The following KCNK2 variants were observed in gnomAD, a reference collection of about 807,000 sequenced individuals.
KCNK2 encodes potassium channel subfamily K member 2.
Under a neutral mutation model 40.5 loss-of-function variants are expected in KCNK2, and 21 were observed. The observed-to-expected ratio is 0.52, with a 90% confidence interval of 0.37 to 0.75. The LOEUF is 0.75. KCNK2 is among the 30% of genes least tolerant of loss of function. KCNK2 has a pLI of 0.00. For synonymous variants in KCNK2, 191 were observed against 202.2 expected, an observed-to-expected ratio of 0.94 and a Z score of 0.47; for missense variants, 399 against 531.6, an observed-to-expected ratio of 0.75 and a Z score of 2.45.
intron 1 of KCNK2, among the ~76,000 whole-genome samples, chr1:215,072,338 G>A (rs1658786654): frequency 6.6e-6 from 1 of 152,238 alleles, no homozygotes; most frequent in South Asian, 2.1e-4. Flanking sequence ...AGGTGAATGA[G>A]AAGCAAGTTA....
At position 215,235,227 on chromosome 1, in the gene KCNK2, T is replaced by A; in HGVS notation, c.*82T>A. The A allele has an allele frequency of 8.3e-7, 1 of 1,204,922 alleles. No homozygotes were observed. The highest frequency in any genetic ancestry group is 1.2e-6 in the Non-Finnish European group (1 of 858,032). The allele number at this position is 1,204,922 out of a possible 1,614,324, so 74.6% of individuals were successfully genotyped here. On this transcript the variant is annotated 3_prime_UTR_variant, in exon 7 of 7. Coordinates refer to ENST00000444842, the MANE Select transcript of KCNK2 (RefSeq NM_001017425.3). The stretch of plus-strand genomic sequence containing the variant: ...TATGACTGTTGCTGGTAGCATTTTT[T>A]AAATTGTGCATGAGCTCAAAGGGGG...
chr1:215,023,438 A>G (rs1191471243), intron 1 of KCNK2, among the ~76,000 whole-genome samples: 5 of 152,190 alleles, frequency 3.3e-5, no homozygotes, highest in African/African-American at 1.2e-4. Context: ...AGCCATAAGT[A>G]TGTCACTTCA....
chr1:215,170,807 G>A (rs944633166), intron 4 of KCNK2, among the ~76,000 whole-genome samples: 2 of 151,902 alleles, frequency 1.3e-5, no homozygotes, highest in Admixed American at 6.6e-5. Flanking sequence ...TGAATTCTTC[G>A]TTCATTCATT....
At chr1:215,051,058 C>T (rs1049432394) in intron 1 of KCNK2, among the ~76,000 whole-genome samples, 1 of 152,122 alleles carries the variant, frequency 6.6e-6, no homozygotes, top group African/African-American at 2.4e-5. Context: ...GCCTTAATAA[C>T]CTTTTGAAAG....
intron 1 of KCNK2, among the ~76,000 whole-genome samples, chr1:215,057,262 A>G (rs1255986496): frequency 6.6e-6 from 1 of 150,960 alleles, no homozygotes; most frequent in Admixed American, 6.6e-5. Flanking sequence ...GAGTTATAGG[A>G]TAATCATATT....
At chr1:215,066,954 A>G (rs1055012021) in intron 1 of KCNK2, among the ~76,000 whole-genome samples, 1 of 152,230 alleles carries the variant, frequency 6.6e-6, no homozygotes, top group African/African-American at 2.4e-5. Flanking sequence ...AAAACACTTT[A>G]TATTTTTATG....
chr1:215,144,004 C>T (rs550580647), intron 3 of KCNK2, among the ~76,000 whole-genome samples: 1 of 152,152 alleles, frequency 6.6e-6, no homozygotes, highest in South Asian at 2.1e-4. Flanking sequence ...ATGTGTCTCC[C>T]AACACTTTGT....
upstream of KCNK2, among the ~76,000 whole-genome samples, chr1:215,077,759 T>C (rs1658998591): frequency 1.3e-5 from 2 of 152,088 alleles, no homozygotes; most frequent in African/African-American, 2.4e-5. Context: ...GGGGAAGCCC[T>C]TTCTTTCCAT....
Position 215,203,840 on chromosome 1 carries a change from C to T in KCNK2, c.963+8748C>T, listed in dbSNP as rs375336591. Among the ~76,000 whole-genome samples, 94 of 151,712 alleles carry T rather than the reference C, an allele frequency of 6.2e-4. 1 individual carries two copies. Among genetic ancestry groups the T allele is most frequent in the African/African-American group, 2.0e-3 (83 of 41,430 alleles). ...GATCACAAGGTCAGGAGATCGAGACCATCCTGGCAAACACCATGAAACCCC... is the reference window on the plus strand; with the variant it reads ...GATCACAAGGTCAGGAGATCGAGACTATCCTGGCAAACACCATGAAACCCC... On this transcript the variant is annotated intron_variant, in intron 6 of 6. Coordinates refer to ENST00000444842, the MANE Select transcript of KCNK2 (RefSeq NM_001017425.3).
intron 1 of KCNK2, among the ~76,000 whole-genome samples, chr1:215,014,162 A>T (rs1346520813): frequency 6.6e-6 from 1 of 152,104 alleles, no homozygotes; most frequent in Non-Finnish European, 1.5e-5. Flanking sequence ...CTCATTTAAT[A>T]TGATCATGTG....
At chr1:215,093,035 G>A (rs545396392) in intron 2 of KCNK2, among the ~76,000 whole-genome samples, 11 of 152,064 alleles carry the variant, frequency 7.2e-5, no homozygotes, top group Non-Finnish European at 1.2e-4. Context: ...TGGAGTTTGC[G>A]GGAGGGGCCA....
intron 5 of KCNK2, among the ~76,000 whole-genome samples, chr1:215,184,943 C>T (rs1174147083): frequency 6.6e-6 from 1 of 151,936 alleles, no homozygotes; most frequent in Non-Finnish European, 1.5e-5. Context: ...TATTTGTGAC[C>T]ATTGTATAAA....
At chr1:215,213,535 C>T (rs193020127) in intron 6 of KCNK2, among the ~76,000 whole-genome samples, 210 of 152,206 alleles carry the variant, frequency 1.4e-3, no homozygotes, top group African/African-American at 4.5e-3. Flanking sequence ...CGCTTGAACC[C>T]GGGAGGCAGA....
At chr1:215,080,305 C>T (rs948399980), upstream of KCNK2, among the ~76,000 whole-genome samples, 4 of 151,912 alleles carry the variant, frequency 2.6e-5, no homozygotes, top group Non-Finnish European at 5.9e-5. Context: ...GCAGAAAACT[C>T]GGAGGGGGGA....
intron 1 of KCNK2, among the ~76,000 whole-genome samples, chr1:215,020,125 C>T (rs544381262): frequency 1.3e-5 from 2 of 152,036 alleles, no homozygotes; most frequent in Non-Finnish European, 1.5e-5. Context: ...TTTGGTAATT[C>T]GTTAGGTTCC....
intron 1 of KCNK2, chr1:215,083,732 G>T (rs1010657610): frequency 1.8e-5 from 9 of 502,152 alleles, no homozygotes; most frequent in African/African-American, 1.7e-4. Context: ...GGAGTAGCCG[G>T]CAGGCAGGAC....
At chr1:215,068,797 C>A (rs1658648078) in intron 1 of KCNK2, among the ~76,000 whole-genome samples, 1 of 152,088 alleles carries the variant, frequency 6.6e-6, no homozygotes, top group Non-Finnish European at 1.5e-5. Context: ...ACATATTATA[C>A]CTGTTGACTT....
At chr1:215,007,203 A>G (rs200871376) in intron 1 of KCNK2, among the ~76,000 whole-genome samples, 2,515 of 59,966 alleles carry the variant, frequency 0.042, 267 homozygotes, top group East Asian at 0.16. Context: ...ATATATATAT[A>G]TATATATATA....
intron 6 of KCNK2, among the ~76,000 whole-genome samples, chr1:215,208,786 AG>A: frequency 6.6e-6 from 1 of 152,158 alleles, no homozygotes; most frequent in East Asian, 1.9e-4. Flanking sequence ...CGAATGTCAA[AG>A]TTTGTAATAT....
Sources: allele counts gnomAD v4.1 joint callset (sites outside exome capture counted in the v4.1 genomes callset), GRCh38; gene constraint gnomAD v4.1.1; transcripts MANE v1.5; gene names NCBI Gene and HGNC (gene_info 2026-07-23, HGNC 2026-07-21).